FSTL4: variants seen among roughly 807,000 people sequenced by gnomAD.
FSTL4 encodes follistatin-related protein 4.
FSTL4 carries 28 observed loss-of-function variants against 78.2 expected under a neutral mutation model. That is an observed-to-expected ratio of 0.36 (90% CI 0.27 to 0.49). FSTL4 has a LOEUF of 0.49. Ranked by LOEUF, FSTL4 falls within the 20% of genes least tolerant of loss-of-function variation. The pLI, the probability that FSTL4 is intolerant of heterozygous loss-of-function variation, is 0.98. For missense variants in FSTL4, 922 were observed against 1,084.9 expected (o/e 0.85, Z 2.11); for synonymous variants, 422 against 440.5 (o/e 0.96, Z 0.53).
the FSTL4 span, among the ~76,000 whole-genome samples, chr5:133,693,531 A>G: frequency 6.6e-6 from 1 of 152,130 alleles, no homozygotes; most frequent in Non-Finnish European, 1.5e-5. Context: ...CAGCAGCCAT[A>G]TTTTATTGAT....
chr5:133,785,094 A>C, the FSTL4 span, among the ~76,000 whole-genome samples: 1 of 152,168 alleles, frequency 6.6e-6, no homozygotes, highest in Non-Finnish European at 1.5e-5. Flanking sequence ...CCGACAGGGC[A>C]CACCCAACAC....
At chr5:133,605,128 C>T (rs1195111926) in intron 1 of FSTL4, among the ~76,000 whole-genome samples, 6 of 152,194 alleles carry the variant, frequency 3.9e-5, no homozygotes, top group African/African-American at 1.4e-4. Context: ...ACTGTGAACA[C>T]AGTCCAACCA....
chr5:133,829,211 G>A, the FSTL4 span, among the ~76,000 whole-genome samples: 6 of 152,088 alleles, frequency 3.9e-5, no homozygotes, highest in Non-Finnish European at 7.4e-5. Context: ...CCAAAACAGC[G>A]AAACCCTGTT....
chr5:133,839,834 CACA>C, the FSTL4 span, among the ~76,000 whole-genome samples: 4 of 152,228 alleles, frequency 2.6e-5, no homozygotes, highest in Non-Finnish European at 4.4e-5. Flanking sequence ...CTGCCAGTAA[CACA>C]ACAAGAAGTT....
intron 4 of FSTL4, among the ~76,000 whole-genome samples, chr5:133,337,514 C>A (rs917803449): frequency 6.6e-6 from 1 of 152,136 alleles, no homozygotes; most frequent in Non-Finnish European, 1.5e-5. Flanking sequence ...CTGAGCAAAG[C>A]GCCGTGATTA....
chr5:133,474,833 G>A (rs1441135204), intron 3 of FSTL4, among the ~76,000 whole-genome samples: 1 of 152,196 alleles, frequency 6.6e-6, no homozygotes, highest in African/African-American at 2.4e-5. Flanking sequence ...AGTTTTGACT[G>A]ATAAGTATCT....
At chr5:133,392,818 G>A (rs1233345163) in intron 4 of FSTL4, among the ~76,000 whole-genome samples, 1 of 152,180 alleles carries the variant, frequency 6.6e-6, no homozygotes, top group Non-Finnish European at 1.5e-5. Context: ...GGGACTCGGA[G>A]GCTGTAGCTT....
At chr5:133,268,268 C>T (rs1332927580) in intron 6 of FSTL4, among the ~76,000 whole-genome samples, 1 of 152,136 alleles carries the variant, frequency 6.6e-6, no homozygotes, top group Non-Finnish European at 1.5e-5. Flanking sequence ...GCCCAAGCTC[C>T]CAGGTCATCA....
chr5:133,687,784 C>T, the FSTL4 span, among the ~76,000 whole-genome samples: 198 of 152,314 alleles, frequency 1.3e-3, 1 homozygote, highest in Middle Eastern at 0.014. Flanking sequence ...ATAAGAGAGA[C>T]GTCTATTTCT....
intron 3 of FSTL4, among the ~76,000 whole-genome samples, chr5:133,552,915 A>G (rs992897378): frequency 6.6e-6 from 1 of 152,204 alleles, no homozygotes; most frequent in Non-Finnish European, 1.5e-5. Context: ...TAGGAGAGAT[A>G]TATGTGTGCA....
intron 3 of FSTL4, among the ~76,000 whole-genome samples, chr5:133,511,108 C>T (rs958923437): frequency 5.3e-5 from 8 of 152,170 alleles, no homozygotes; most frequent in Admixed American, 2.0e-4. Flanking sequence ...AGGCCACAGG[C>T]CATGCCTTCA....
intron 3 of FSTL4, among the ~76,000 whole-genome samples, chr5:133,486,946 C>T (rs1758149923): frequency 6.6e-6 from 1 of 152,180 alleles, no homozygotes; most frequent in Non-Finnish European, 1.5e-5. Flanking sequence ...CCGGGTCCCA[C>T]CTGACATGTG....
chr5:133,561,518 G>A (rs778862866), intron 3 of FSTL4, among the ~76,000 whole-genome samples: 22 of 152,262 alleles, frequency 1.4e-4, no homozygotes, highest in Middle Eastern at 3.4e-3. Flanking sequence ...TGAGCAGGCA[G>A]GACTCTGAGC....
intron 6 of FSTL4, among the ~76,000 whole-genome samples, chr5:133,294,981 G>A (rs1019688423): frequency 6.6e-6 from 1 of 152,122 alleles, no homozygotes; most frequent in African/African-American, 2.4e-5. Flanking sequence ...GAACATGCTG[G>A]GGAAACGGCC....
chr5:133,696,939 C>T, the FSTL4 span, among the ~76,000 whole-genome samples: 2 of 152,234 alleles, frequency 1.3e-5, no homozygotes, highest in Non-Finnish European at 2.9e-5. Context: ...GGACCCCAAG[C>T]TTGCCTGTAG....
chr5:133,207,625 C>T (rs1036498795), intron 14 of FSTL4, among the ~76,000 whole-genome samples: 36 of 151,964 alleles, frequency 2.4e-4, no homozygotes, highest in African/African-American at 8.5e-4. Flanking sequence ...ATTTTTACTC[C>T]CCCTTTCTGC....
the FSTL4 span, among the ~76,000 whole-genome samples, chr5:133,692,052 T>C: frequency 6.6e-6 from 1 of 152,022 alleles, no homozygotes; most frequent in African/African-American, 2.4e-5. Flanking sequence ...TAAAATGCAA[T>C]GGAGAATTAC....
At chr5:133,444,915 T>C (rs1463310670) in intron 3 of FSTL4, among the ~76,000 whole-genome samples, 2 of 152,206 alleles carry the variant, frequency 1.3e-5, no homozygotes, top group African/African-American at 2.4e-5. Flanking sequence ...AGATTGCTCC[T>C]AGCCCCTGTT....
chr5:133,208,612 A>G (rs1005255423), intron 14 of FSTL4, among the ~76,000 whole-genome samples: 1 of 152,112 alleles, frequency 6.6e-6, no homozygotes, highest in Non-Finnish European at 1.5e-5. Context: ...CTGTGATTTG[A>G]GAGAGCTTTT....
Sources: gnomAD v4.1 joint callset for allele counts (sites outside exome capture counted in the v4.1 genomes callset) on GRCh38, gnomAD v4.1.1 for gene constraint, MANE v1.5 for transcripts, NCBI Gene and HGNC (gene_info 2026-07-23, HGNC 2026-07-21) for gene names.